The following CCSER1 variants were observed in gnomAD, a reference collection of about 807,000 sequenced individuals.
The protein encoded by CCSER1 is coiled-coil serine rich protein 1.
In CCSER1, 41 loss-of-function variants were observed where a neutral mutation model predicts 82.0. The observed-to-expected ratio is 0.50, with a 90% CI of 0.39 to 0.65. The LOEUF (loss-of-function observed/expected upper bound fraction) is 0.65. Among genes scored for constraint, CCSER1 ranks in the 30% least tolerant of loss-of-function variants. The pLI, the probability that CCSER1 is intolerant of heterozygous loss-of-function variation, is 0.00. For missense variants in CCSER1, 1,119 were observed against 1,064.2 expected, an observed-to-expected ratio of 1.05 and a Z score of -0.72; for synonymous variants, 414 against 383.9, an observed-to-expected ratio of 1.08 and a Z score of -0.92.
chr4:91,436,471 T>A (rs866209926), intron 10 of CCSER1, among the ~76,000 whole-genome samples: 2 of 152,318 alleles, frequency 1.3e-5, no homozygotes, highest in African/African-American at 2.4e-5. Context: ...TGAGAGTTAA[T>A]TTTTGAAGGT....
intron 7 of CCSER1, among the ~76,000 whole-genome samples, chr4:90,786,956 T>A (rs552905514): frequency 6.6e-6 from 1 of 152,278 alleles, no homozygotes; most frequent in South Asian, 2.1e-4. Context: ...CTTTCTGGAG[T>A]GGCTCACAGA....
At chr4:91,233,227 T>G (rs985054621) in intron 10 of CCSER1, among the ~76,000 whole-genome samples, 3 of 151,920 alleles carry the variant, frequency 2.0e-5, no homozygotes, top group Non-Finnish European at 2.9e-5. Context: ...AAGAGATTAA[T>G]TTTGTACTCA....
intron 6 of CCSER1, among the ~76,000 whole-genome samples, chr4:90,646,836 A>G (rs1280846790): frequency 6.6e-6 from 1 of 152,154 alleles, no homozygotes; most frequent in African/African-American, 2.4e-5. Context: ...AGGGTAGTAG[A>G]AGTCTTGGCT....
intron 9 of CCSER1, among the ~76,000 whole-genome samples, chr4:90,933,659 G>A (rs1212851122): frequency 6.7e-6 from 1 of 148,422 alleles, no homozygotes; most frequent in East Asian, 2.0e-4. Flanking sequence ...AATACTTGGT[G>A]TGAGTGTATT....
intron 10 of CCSER1, among the ~76,000 whole-genome samples, chr4:91,377,552 G>T (rs1013302725): frequency 2.0e-5 from 3 of 152,208 alleles, no homozygotes; most frequent in Non-Finnish European, 2.9e-5. Context: ...GTGTTCTTTT[G>T]AGAAGTGTCT....
At chr4:90,593,407 C>T (rs1319209502) in intron 5 of CCSER1, among the ~76,000 whole-genome samples, 3 of 152,078 alleles carry the variant, frequency 2.0e-5, no homozygotes, top group Non-Finnish European at 2.9e-5. Flanking sequence ...AATGAAAGCA[C>T]ACTCCACAGT....
intron 8 of CCSER1, among the ~76,000 whole-genome samples, chr4:90,861,439 T>C (rs1408611028): frequency 6.6e-6 from 1 of 151,796 alleles, no homozygotes; most frequent in Non-Finnish European, 1.5e-5. Context: ...ATTATACTTA[T>C]TTTGCTTATT....
At chr4:90,873,376 T>C (rs902240068) in intron 8 of CCSER1, among the ~76,000 whole-genome samples, 1 of 152,128 alleles carries the variant, frequency 6.6e-6, no homozygotes, top group Non-Finnish European at 1.5e-5. Context: ...GACTGATGCA[T>C]TCTTCAGTGT....
At chr4:91,360,465 C>A (rs1050446214) in intron 10 of CCSER1, among the ~76,000 whole-genome samples, 3 of 151,822 alleles carry the variant, frequency 2.0e-5, no homozygotes, top group Admixed American at 2.0e-4. Flanking sequence ...AAGAAAAAAT[C>A]TGAGTACATT....
In CCSER1 at chr4:90,493,002, G is replaced by T. The variant is rs182378038; in HGVS notation, c.1724+24648G>T. 2.2e-4 allele frequency among the ~76,000 whole-genome samples: 33 copies of T among 152,206 alleles called. No individual in the cohort carries two copies. In the East Asian group the frequency reaches 6.4e-3, roughly 29 times the overall value. ...GGAAGTTCGAACCCTTTGAAAAGAAGATAAAAACCTTGAAAAAAGATTAGA... is the reference window on the plus strand; with the variant it reads ...GGAAGTTCGAACCCTTTGAAAAGAATATAAAAACCTTGAAAAAAGATTAGA... On this transcript the variant is annotated intron_variant, in intron 5 of 10. Transcript: ENST00000509176.
intron 10 of CCSER1, among the ~76,000 whole-genome samples, chr4:91,280,019 C>G (rs1189381036): frequency 1.3e-5 from 2 of 152,176 alleles, no homozygotes; most frequent in Non-Finnish European, 2.9e-5. Context: ...TAAACAGTGT[C>G]AGTAGTGTCT....
intron 10 of CCSER1, among the ~76,000 whole-genome samples, chr4:91,234,470 A>G (rs1738852959): frequency 6.6e-6 from 1 of 152,130 alleles, no homozygotes; most frequent in Non-Finnish European, 1.5e-5. Flanking sequence ...CCCAGAGGAA[A>G]GATTGTAGAA....
At chr4:91,256,665 C>T (rs1263390917) in intron 10 of CCSER1, among the ~76,000 whole-genome samples, 1 of 152,054 alleles carries the variant, frequency 6.6e-6, no homozygotes, top group Non-Finnish European at 1.5e-5. Flanking sequence ...GGCTGGTTCC[C>T]CTGATACCAG....
intron 1 of CCSER1, among the ~76,000 whole-genome samples, chr4:90,133,129 G>T (rs1240731333): frequency 6.6e-6 from 1 of 152,148 alleles, no homozygotes; most frequent in Non-Finnish European, 1.5e-5. Context: ...AAAACTGAAG[G>T]CTATGTCTTT....
intron 1 of CCSER1, among the ~76,000 whole-genome samples, chr4:90,278,960 G>A (rs72879745): frequency 0.049 from 7,386 of 152,114 alleles, 478 homozygotes; most frequent in African/African-American, 0.15. Context: ...TTCCATAAGC[G>A]TAGGTTTATA....
chr4:91,358,490 C>T (rs1001682502), intron 10 of CCSER1, among the ~76,000 whole-genome samples: 4 of 150,928 alleles, frequency 2.7e-5, no homozygotes, highest in Admixed American at 2.0e-4. Context: ...ACACTTCTAC[C>T]GTTTATACCA....
chr4:90,370,690 C>A (rs763694956), intron 3 of CCSER1, among the ~76,000 whole-genome samples: 3 of 151,834 alleles, frequency 2.0e-5, no homozygotes, highest in Non-Finnish European at 2.9e-5. Flanking sequence ...TAAATGAGCC[C>A]TTTCAAGAAT....
chr4:90,249,314 C>T (rs999319847), intron 1 of CCSER1, among the ~76,000 whole-genome samples: 2 of 152,106 alleles, frequency 1.3e-5, no homozygotes, highest in Admixed American at 6.6e-5. Context: ...TTGATAATAT[C>T]AAATTGCTTA....
At chr4:91,013,348 G>A (rs370101452) in intron 9 of CCSER1, among the ~76,000 whole-genome samples, 3 of 132,300 alleles carry the variant, frequency 2.3e-5, no homozygotes, top group South Asian at 2.4e-4. Context: ...GTATAGTCTC[G>A]GCACTCTTGT....
Sources: allele counts gnomAD v4.1 joint callset (sites outside exome capture counted in the v4.1 genomes callset), GRCh38; gene constraint gnomAD v4.1.1; transcripts MANE v1.5; gene names NCBI Gene and HGNC (gene_info 2026-07-23, HGNC 2026-07-21).